STAB2: variants seen among roughly 807,000 people sequenced by gnomAD.
STAB2 encodes the protein stabilin-2.
In STAB2, 288 loss-of-function variants were observed where a neutral mutation model predicts 338.1. The observed-to-expected ratio is 0.85, with a 90% confidence interval of 0.77 to 0.94. The LOEUF is 0.94. Among genes scored for constraint, STAB2 ranks in the 40% least tolerant of loss-of-function variants. STAB2 has a pLI of 0.00. For synonymous variants in STAB2, 1,202 were observed against 1,193.3 expected (o/e 1.01, Z -0.15); for missense variants, 3,141 against 3,210.1 (o/e 0.98, Z 0.52).
intron 49 of STAB2, among the ~76,000 whole-genome samples, 155 bp downstream of exon 49, chr12:103,730,411 A>G (rs1881542995): frequency 6.6e-6 from 1 of 152,230 alleles, no homozygotes; most frequent in Non-Finnish European, 1.5e-5. Context: ...TTAGTAAGAA[A>G]TAAATAAGTA....
chr12:103,616,534 T>C (rs1220983050), intron 3 of STAB2, among the ~76,000 whole-genome samples: 1 of 152,218 alleles, frequency 6.6e-6, no homozygotes, highest in African/African-American at 2.4e-5. Flanking sequence ...TTAGGCATCA[T>C]TGCCTGAAAA....
intron 9 of STAB2, among the ~76,000 whole-genome samples, chr12:103,648,227 T>C (rs937571049): frequency 4.6e-5 from 7 of 152,176 alleles, no homozygotes; most frequent in Non-Finnish European, 1.0e-4. Flanking sequence ...AAGTGGCAAT[T>C]GAGCAGAGCT....
chr12:103,746,778 G>C, intron 58 of STAB2, 74 bp downstream of exon 58: 2 of 1,466,748 alleles, frequency 1.4e-6, no homozygotes, highest in East Asian at 4.6e-5. Context: ...ACAGTGCCTG[G>C]GCTTCATCCT....
chr12:103,758,173 G>A lies in STAB2; in HGVS notation c.6991G>A (p.Val2331Met), dbSNP rs1168600619. The A allele has an allele frequency of 6.2e-7, 1 of 1,613,960 alleles. No individual in the cohort carries two copies. Among genetic ancestry groups the A allele is most frequent in the East Asian group, 2.2e-5 (1 of 44,886 alleles). The change falls in exon 64 of 69, where the codon GTG becomes ATG. Residue 2331 changes from valine (V) to methionine (M), a missense_variant. Physicochemically the swap from Val to Met is conservative, Grantham distance 21 (BLOSUM62 1). Transcript: ENST00000388887. ...FPSLTNFLTE[V>M]LAYSNSSARG... is the part of the protein sequence containing the mutation. ...ATGACTTCCTTCTTCTCCCCAGGAA[G>A]TGCTGGCCTATTCCAACAGCTCAGC...
At chr12:103,667,436 G>GT (rs1200838198) in intron 19 of STAB2, among the ~76,000 whole-genome samples, 1 of 152,182 alleles carries the variant, frequency 6.6e-6, no homozygotes, top group East Asian at 1.9e-4. Flanking sequence ...GCAAGGAAAC[G>GT]TAAACCACCT....
intron 53 of STAB2, 114 bp downstream of exon 53, chr12:103,737,894 G>A (rs1023086216): frequency 1.4e-6 from 2 of 1,382,046 alleles, no homozygotes; most frequent in Non-Finnish European, 1.9e-6. Flanking sequence ...AGCAAGACTA[G>A]GACCCAGAAG....
chr12:103,704,491 G>C, intron 35 of STAB2, 67 bp from the exon 36 acceptor site: 2 of 1,518,186 alleles, frequency 1.3e-6, no homozygotes, highest in Non-Finnish European at 1.8e-6. Context: ...TCATTTCCAA[G>C]TTCTGGACAT....
chr12:103,587,621 GT>G (rs1956731237), intron 1 of STAB2, 64 bp downstream of exon 1: 1 of 1,364,812 alleles, frequency 7.3e-7, no homozygotes, highest in Admixed American at 1.8e-5. Flanking sequence ...AAAGCTTGTC[GT>G]TTTCCTCTGT....
chr12:103,630,466 C>T (rs1957442775), intron 5 of STAB2, among the ~76,000 whole-genome samples: 1 of 152,048 alleles, frequency 6.6e-6, no homozygotes, highest in Non-Finnish European at 1.5e-5. Context: ...AAAATGAGCC[C>T]CCAAAATGTC....
In STAB2 at chr12:103,689,896, C is replaced by T. The variant is rs780980945; in HGVS notation, c.3096C>T (p.Leu1032=). Residue 1032 remains leucine, a synonymous_variant, in exon 29 of 69, where the codon CTC becomes CTT. Transcript: ENST00000388887. ...TLSATSNLTV[L]VPSQQATEDM... ...CAGCCACCTCAAACCTCACTGTCCTCGTGCCTTCCCAACAAGCTACTGAGG... is the reference window on the plus strand; with the variant it reads ...CAGCCACCTCAAACCTCACTGTCCTTGTGCCTTCCCAACAAGCTACTGAGG... 16 of 1,614,068 alleles carry T rather than the reference C, an allele frequency of 9.9e-6. No homozygotes were observed. The highest frequency in any genetic ancestry group is 6.7e-5 in the East Asian group (3 of 44,906).
intron 26 of STAB2, 31 bp downstream of exon 26, chr12:103,683,331 T>TAA (rs59684257): frequency 0.01 from 12,290 of 1,186,454 alleles, no homozygotes; most frequent in Non-Finnish European, 0.011. Flanking sequence ...TTTCATTACT[T>TAA]AAAAAAAAAA....
In STAB2 at chr12:103,648,694, A is replaced by C. The variant is rs762967501; in HGVS notation, c.1045A>C (p.Ile349Leu). 1 of 1,613,786 alleles carries C rather than the reference A, an allele frequency of 6.2e-7. No individual in the cohort carries two copies. The stretch of plus-strand genomic sequence containing the variant: ...GTCTTTTCCCCCTCTCTGTAGATGC[A>C]TTTGCCAGAAAGGTTACGTGGGTGA... ...TTVAPGRTEC[I>L]CQKGYVGDGL... The change falls in exon 10 of 69, where the codon ATT becomes CTT. Residue 349 changes from isoleucine (I) to leucine (L), a missense_variant. Ile to Leu is a conservative substitution (Grantham distance 5). Transcript: ENST00000388887.
intron 30 of STAB2, among the ~76,000 whole-genome samples, chr12:103,691,087 G>A (rs1877897725): frequency 6.6e-6 from 1 of 152,212 alleles, no homozygotes; most frequent in African/African-American, 2.4e-5. Context: ...GAAGAACCCA[G>A]CCCTAGAGAA....
chr12:103,708,395 A>G (rs776246551), intron 38 of STAB2, 46 bp from the exon 39 acceptor site: 4 of 1,584,220 alleles, frequency 2.5e-6, no homozygotes, highest in Admixed American at 1.7e-5. Context: ...TGAGTTATTG[A>G]ACATGGGTTA....
chr12:103,727,723 A>G (rs1471342655), intron 47 of STAB2, among the ~76,000 whole-genome samples: 2 of 152,192 alleles, frequency 1.3e-5, no homozygotes, highest in Non-Finnish European at 2.9e-5. Flanking sequence ...CAGAGCCTTT[A>G]CTGTTCTAAT....
chr12:103,688,347 T>C, intron 28 of STAB2, 132 bp downstream of exon 28: 2 of 854,804 alleles, frequency 2.3e-6, no homozygotes, highest in South Asian at 3.0e-5. Flanking sequence ...TTCTCAACGC[T>C]GGCTGCACTG....
intron 1 of STAB2, among the ~76,000 whole-genome samples, chr12:103,588,373 CTGAGGATCAGTCA>C (rs1956744580): frequency 6.6e-6 from 1 of 152,146 alleles, no homozygotes; most frequent in Non-Finnish European, 1.5e-5. Flanking sequence ...ACAAATAGGT[CTGAGGATCAGTCA>C]TGATCGTCCA....
At chr12:103,729,762 A>G (rs1019100025) in intron 48 of STAB2, among the ~76,000 whole-genome samples, 4 of 152,174 alleles carry the variant, frequency 2.6e-5, no homozygotes, top group Non-Finnish European at 5.9e-5. Context: ...TACTACAGAG[A>G]AAAAAATGGT....
chr12:103,663,330 C>T (rs1450860145), intron 18 of STAB2, among the ~76,000 whole-genome samples: 1 of 152,172 alleles, frequency 6.6e-6, no homozygotes, highest in African/African-American at 2.4e-5. Context: ...AGTCTGAAAT[C>T]AAGATAGCAG....
Sources: allele counts gnomAD v4.1 joint callset (sites outside exome capture counted in the v4.1 genomes callset), GRCh38; gene constraint gnomAD v4.1.1; transcripts MANE v1.5; gene names NCBI Gene and HGNC (gene_info 2026-07-23, HGNC 2026-07-21).